The following VPS50 variants were observed in gnomAD, a reference collection of about 807,000 sequenced individuals.
VPS50 encodes VPS50 subunit of EARP/GARPII complex.
VPS50 carries 70 observed loss-of-function variants against 139.7 expected under a neutral mutation model. The observed-to-expected ratio is 0.50, with a 90% CI of 0.41 to 0.61. The LOEUF (loss-of-function observed/expected upper bound fraction) is 0.61, where lower values mean the gene tolerates loss of function less well. Ranked by LOEUF, VPS50 falls within the 20% of genes least tolerant of loss-of-function variation. The probability of loss-of-function intolerance (pLI) is 0.00; values close to 1 mark genes in which losing one functional copy is unlikely to be tolerated. For synonymous variants in VPS50, 365 were observed against 376.7 expected (o/e 0.97, Z 0.36); for missense variants, 921 against 1,133.7 (o/e 0.81, Z 2.69).
At chr7:93,315,690 G>A (rs1054793602) in intron 20 of VPS50, among the ~76,000 whole-genome samples, 27 of 152,132 alleles carry the variant, frequency 1.8e-4, no homozygotes, top group Non-Finnish European at 5.9e-5. Flanking sequence ...ATGCTTAAAA[G>A]ACATTTCTAT....
intron 3 of VPS50, among the ~76,000 whole-genome samples, chr7:93,253,086 T>C (rs1795383578): frequency 6.6e-6 from 1 of 152,254 alleles, no homozygotes; most frequent in Non-Finnish European, 1.5e-5. Flanking sequence ...GCTCAGACTT[T>C]TAATTACAAA....
At position 93,353,723 on chromosome 7, in the gene VPS50, A is replaced by C. The variant is rs373044128; in HGVS notation, c.2547A>C (p.Glu849Asp). The C allele has an allele frequency of 7.4e-6, 12 of 1,611,334 alleles. No homozygotes were observed. Among genetic ancestry groups the C allele is most frequent in the Non-Finnish European group, 9.3e-6 (11 of 1,178,080 alleles). ...TGCCTGTGTCTAATATACTTTGGGA[A>C]CATTGTATACGATTGGCTAATCGAA... ...IPLPVSNILW[E>D]HCIRLANRTI... is the part of the protein sequence containing the mutation. Residue 849 changes from glutamate (E) to aspartate (D), a missense_variant, in exon 26 of 28, where the codon GAA becomes GAC. Glu to Asp is a conservative substitution (Grantham distance 45). This residue lies in a region of VPS50 where 158 missense variants were observed against 156.3 expected (regional missense o/e 1.01). Transcript: ENST00000305866.
At chr7:93,345,073 G>T (rs1000593246) in intron 23 of VPS50, among the ~76,000 whole-genome samples, 27 of 152,236 alleles carry the variant, frequency 1.8e-4, no homozygotes, top group Middle Eastern at 3.4e-3. Flanking sequence ...AAAATTGATA[G>T]ACTGCTAGCA....
intron 21 of VPS50, among the ~76,000 whole-genome samples, chr7:93,325,957 A>G (rs982467599): frequency 5.9e-5 from 9 of 151,640 alleles, no homozygotes; most frequent in Non-Finnish European, 1.3e-4. Context: ...GTATATACCC[A>G]AAGGACTATA....
intron 9 of VPS50, among the ~76,000 whole-genome samples, chr7:93,262,370 CTT>C (rs535652968): frequency 1.3e-5 from 2 of 152,150 alleles, no homozygotes; most frequent in Non-Finnish European, 2.9e-5. Flanking sequence ...CTTCTCAGCA[CTT>C]TTTAAATTAA....
At chr7:93,239,494 T>C (rs926359254) in intron 1 of VPS50, among the ~76,000 whole-genome samples, 5 of 152,318 alleles carry the variant, frequency 3.3e-5, no homozygotes, top group Non-Finnish European at 5.9e-5. Flanking sequence ...TACTATTGCT[T>C]GGACTTTTTT....
At chr7:93,339,889 A>AT (rs981358914) in intron 22 of VPS50, among the ~76,000 whole-genome samples, 13 of 151,838 alleles carry the variant, frequency 8.6e-5, no homozygotes, top group African/African-American at 2.2e-4. Context: ...CTTTTATTCT[A>AT]TTTTTTTTCT....
Position 93,359,604 on chromosome 7 carries a change from G to A in VPS50, c.*1168G>A, listed in dbSNP as rs918411071. 1.3e-5 allele frequency: 2 copies of A among 152,126 alleles called. No individual in the cohort carries two copies. Among genetic ancestry groups the A allele is most frequent in the Admixed American group, 6.6e-5 (1 of 15,244 alleles). 9.4% of individuals were successfully genotyped at this position (152,126 alleles called of 1,614,324 possible). ...TGGAGAGTGGAGGACATCTAAGCTTGTGTGGCATTGGTCCAATGATTGCCA... is the reference window on the plus strand; with the variant it reads ...TGGAGAGTGGAGGACATCTAAGCTTATGTGGCATTGGTCCAATGATTGCCA... On this transcript the variant is annotated 3_prime_UTR_variant, in exon 28 of 28. Transcript: ENST00000305866.
chr7:93,359,327 G>T lies in VPS50; in HGVS notation c.*891G>T, dbSNP rs1249825831. 2.0e-5 allele frequency: 3 copies of T among 152,052 alleles called. No individual in the cohort carries two copies. Among genetic ancestry groups the T allele is most frequent in the Non-Finnish European group, 4.4e-5 (3 of 68,006 alleles). 9.4% of individuals were successfully genotyped at this position (152,052 alleles called of 1,614,324 possible). On this transcript the variant is annotated 3_prime_UTR_variant, in exon 28 of 28. Coordinates refer to ENST00000305866, the MANE Select transcript of VPS50 (RefSeq NM_017667.4). ...TGACTCAGGAAACAGTTGTCTGCTAGTCACTCATAAATGTACGGTCATATG... is the reference window on the plus strand; with the variant it reads ...TGACTCAGGAAACAGTTGTCTGCTATTCACTCATAAATGTACGGTCATATG...
intron 16 of VPS50, 73 bp from the exon 17 acceptor site, chr7:93,303,387 A>T (rs1458015167): frequency 9.6e-6 from 6 of 627,488 alleles, no homozygotes; most frequent in Admixed American, 2.4e-5. Context: ...TGTATTGTAC[A>T]TTATTTCCTC....
intron 1 of VPS50, among the ~76,000 whole-genome samples, chr7:93,237,892 C>T (rs1464102930): frequency 6.6e-6 from 1 of 152,162 alleles, no homozygotes; most frequent in African/African-American, 2.4e-5. Flanking sequence ...CCTCTCTCTC[C>T]TCCTACCCTC....
intron 10 of VPS50, among the ~76,000 whole-genome samples, chr7:93,272,361 C>T (rs945591136): frequency 1.3e-5 from 2 of 151,756 alleles, no homozygotes; most frequent in Non-Finnish European, 1.5e-5. Flanking sequence ...CATTACAAAA[C>T]TATTATTTTG....
chr7:93,339,616 G>A (rs1562894814), intron 22 of VPS50, among the ~76,000 whole-genome samples: 1 of 151,934 alleles, frequency 6.6e-6, no homozygotes, highest in Non-Finnish European at 1.5e-5. Context: ...TAAACATTTA[G>A]TTTTGCTATC....
At chr7:93,260,915 C>G (rs1486279956) in intron 9 of VPS50, among the ~76,000 whole-genome samples, 1 of 152,122 alleles carries the variant, frequency 6.6e-6, no homozygotes, top group Non-Finnish European at 1.5e-5. Flanking sequence ...AGGCTGGTCT[C>G]TAACTCCACC....
intron 18 of VPS50, 31 bp from the exon 19 acceptor site, chr7:93,308,793 C>G (rs1562879631): frequency 7.9e-7 from 1 of 1,264,306 alleles, no homozygotes; most frequent in Non-Finnish European, 1.2e-6. Flanking sequence ...GCCCTTTATA[C>G]TCATTTTTTA....
At chr7:93,322,492 C>T (rs534196104) in intron 20 of VPS50, among the ~76,000 whole-genome samples, 137 of 146,050 alleles carry the variant, frequency 9.4e-4, no homozygotes, top group Non-Finnish European at 1.5e-3. Context: ...CCCAGCTACT[C>T]GGGAGGCTGA....
rs1300883782 is a variant in VPS50 at position 93,259,533 on chromosome 7, G to C, written c.577-17G>C. The C allele has an allele frequency of 1.4e-6, 2 of 1,394,834 alleles. No individual in the cohort carries two copies. Among genetic ancestry groups the C allele is most frequent in the Non-Finnish European group, 2.0e-6 (2 of 985,182 alleles). 86.4% of individuals were successfully genotyped at this position (1,394,834 alleles called of 1,614,324 possible). ...AAATGTTTCTATTCCAATGACTCCTGTTGTTGTTACCTTAAGGAGGAAGAT... is the reference window on the plus strand; with the variant it reads ...AAATGTTTCTATTCCAATGACTCCTCTTGTTGTTACCTTAAGGAGGAAGAT... On this transcript the variant is annotated splice_polypyrimidine_tract_variant and intron_variant, in intron 8 of 27. Coordinates refer to ENST00000305866, the MANE Select transcript of VPS50 (RefSeq NM_017667.4).
At chr7:93,339,987 A>T (rs552327551) in intron 22 of VPS50, among the ~76,000 whole-genome samples, 1 of 152,204 alleles carries the variant, frequency 6.6e-6, no homozygotes, top group African/African-American at 2.4e-5. Flanking sequence ...CTATAGTTAA[A>T]CTAAAAGTAT....
At chr7:93,235,880 A>G (rs1584369462) in intron 1 of VPS50, among the ~76,000 whole-genome samples, 1 of 152,220 alleles carries the variant, frequency 6.6e-6, no homozygotes, top group African/African-American at 2.4e-5. Flanking sequence ...GATTGCATAT[A>G]AACTGGTTAA....
Sources: gnomAD v4.1 joint callset for allele counts (sites outside exome capture counted in the v4.1 genomes callset) on GRCh38, gnomAD v4.1.1 for gene constraint, gnomAD v4.1.1 regional missense constraint, MANE v1.5 for transcripts, NCBI Gene and HGNC (gene_info 2026-07-23, HGNC 2026-07-21) for gene names.